Variants in SIK2 observed in about 807,000 individuals in gnomAD.
The protein encoded by SIK2 is salt inducible kinase 2.
A neutral mutation model predicts 103.2 loss-of-function variants in SIK2; 29 were observed. That is an observed-to-expected ratio of 0.28 (90% CI 0.21 to 0.38). SIK2 has a LOEUF of 0.38. SIK2 is among the 10% of genes least tolerant of loss of function. The pLI is 1.00. For missense variants in SIK2, 879 were observed against 1,171.0 expected (o/e 0.75, Z 3.64); for synonymous variants, 412 against 446.1 (o/e 0.92, Z 0.96).
At chr11:111,689,013 AAAG>A (rs1373208792) in intron 4 of SIK2, among the ~76,000 whole-genome samples, 1 of 152,224 alleles carries the variant, frequency 6.6e-6, no homozygotes, top group Non-Finnish European at 1.5e-5. Context: ...GAAGCTTCAC[AAAG>A]AAGGAATTAT....
chr11:111,620,231 A>C (rs1941865048), intron 2 of SIK2, 108 bp from the exon 3 acceptor site: 1 of 757,860 alleles, frequency 1.3e-6, no homozygotes, highest in African/African-American at 1.8e-5. Context: ...GGAATTGTTC[A>C]TAACTGTGAT....
At chr11:111,651,177 G>A (rs75554087) in intron 3 of SIK2, among the ~76,000 whole-genome samples, 3,648 of 152,152 alleles carry the variant, frequency 0.024, 92 homozygotes, top group African/African-American at 0.062. Context: ...TCAGTTATTA[G>A]TGTAGCAATC....
intron 3 of SIK2, among the ~76,000 whole-genome samples, chr11:111,634,779 C>T (rs1007825428): frequency 2.0e-5 from 3 of 152,176 alleles, no homozygotes; most frequent in African/African-American, 7.2e-5. Context: ...TCTTCCTTTC[C>T]AATCACATTC....
rs60382698 is a variant in SIK2 at position 111,668,834 on chromosome 11, T to A, written c.317-19167T>A. 9.0e-3 allele frequency among the ~76,000 whole-genome samples: 1,369 copies of A among 152,320 alleles called. 22 individuals are homozygous for A. The highest frequency in any genetic ancestry group is 0.031 in the African/African-American group (1,286 of 41,578). On this transcript the variant is annotated intron_variant, in intron 3 of 14. Coordinates refer to ENST00000304987, the MANE Select transcript of SIK2 (RefSeq NM_015191.3). ...ATCGTGACTTGCACTAGAGGAGGAT[T>A]GATGCAGTTCAAGAAAAATGGTGGG...
chr11:111,724,237 G>C lies in SIK2; in HGVS notation c.*108G>C. The C allele has an allele frequency of 7.0e-7, 1 of 1,435,162 alleles. No homozygotes were observed. Among genetic ancestry groups the C allele is most frequent in the Non-Finnish European group, 9.2e-7 (1 of 1,086,536 alleles). The allele number at this position is 1,435,162 out of a possible 1,614,324, so 88.9% of individuals were successfully genotyped here. ...TATTTTCTTGCCCTCTCCCTAACGG[G>C]GAGAAATCGAGCCACCCAACTGGAA... On this transcript the variant is annotated 3_prime_UTR_variant, in exon 15 of 15. Transcript: ENST00000304987.
At chr11:111,709,149 G>C (rs1591635901) in intron 8 of SIK2, among the ~76,000 whole-genome samples, 1 of 152,222 alleles carries the variant, frequency 6.6e-6, no homozygotes. Context: ...CATGAGGGTT[G>C]CTACCTGGTG....
rs1177580067 is a variant in SIK2 at position 111,705,105 on chromosome 11, G to A, written c.1067G>A (p.Arg356Gln). The A allele has an allele frequency of 5.0e-6, 8 of 1,592,464 alleles. No individual in the cohort carries two copies. Among genetic ancestry groups the A allele is most frequent in the South Asian group, 2.3e-5 (2 of 86,130 alleles). The change falls in exon 8 of 15, where the codon CGG becomes CAG. Residue 356 changes from arginine to glutamine, a missense_variant. Physicochemically the swap from Arg to Gln is conservative, Grantham distance 43. This residue lies in a region of SIK2 where 99 missense variants were observed against 153.9 expected (regional missense o/e 0.64). Coordinates refer to ENST00000304987, the MANE Select transcript of SIK2 (RefSeq NM_015191.3). This position sits in a 1 kb window ranked among gnomAD's most constrained non-coding sequence, Gnocchi z 4.3. Reference sequence around the variant, plus strand: ...CAGAGACTTGATGGCCGCCAGCGTCGGCCTAGCACCATTGCTGAGCAAACA... The same window carrying A: ...CAGAGACTTGATGGCCGCCAGCGTCAGCCTAGCACCATTGCTGAGCAAACA... ...VEQRLDGRQR[R>Q]PSTIAEQTVA...
At position 111,618,391 on chromosome 11, in the gene SIK2, A is replaced by G. The variant is rs113109161; in HGVS notation, c.253-1948A>G. ...CAACTTTTATTGATAGAGATTTTCA[A>G]TGTAAAAAATGTGAAGACCATTGGC... On this transcript the variant is annotated intron_variant, in intron 2 of 14. Transcript: ENST00000304987. Among the ~76,000 whole-genome samples, 1,037 of 152,304 alleles carry G rather than the reference A, an allele frequency of 6.8e-3. 15 individuals carry two copies. The highest frequency in any genetic ancestry group is 0.023 in the African/African-American group (961 of 41,548).
intron 3 of SIK2, among the ~76,000 whole-genome samples, chr11:111,668,701 C>A (rs1275138405): frequency 6.6e-6 from 1 of 152,202 alleles, no homozygotes; most frequent in Non-Finnish European, 1.5e-5. Context: ...ACTGATAGAA[C>A]TGTTTCTAAA....
intron 1 of SIK2, among the ~76,000 whole-genome samples, chr11:111,611,873 T>C (rs954633068): frequency 1.3e-5 from 2 of 152,176 alleles, no homozygotes; most frequent in Non-Finnish European, 2.9e-5. Flanking sequence ...AGAGAGGAAG[T>C]TCCCAGAAAT....
At chr11:111,694,399 G>A (rs897755077) in intron 4 of SIK2, among the ~76,000 whole-genome samples, 8 of 152,172 alleles carry the variant, frequency 5.3e-5, no homozygotes, top group African/African-American at 1.9e-4. Context: ...AATCTGACCT[G>A]TACATCACGA....
At chr11:111,640,244 A>G (rs1055063869) in intron 3 of SIK2, among the ~76,000 whole-genome samples, 1 of 152,218 alleles carries the variant, frequency 6.6e-6, no homozygotes, top group Non-Finnish European at 1.5e-5. Context: ...TTGCTAGTCC[A>G]TCAGTTCCTT....
At chr11:111,678,147 T>C (rs891060374) in intron 3 of SIK2, among the ~76,000 whole-genome samples, 3 of 152,206 alleles carry the variant, frequency 2.0e-5, no homozygotes, top group African/African-American at 7.2e-5. Flanking sequence ...TTTTTTAGAA[T>C]GCTTTTCTCC....
At chr11:111,620,204 T>C in intron 2 of SIK2, 135 bp from the exon 3 acceptor site, 1 of 664,564 alleles carries the variant, frequency 1.5e-6, no homozygotes, top group South Asian at 1.9e-5. Flanking sequence ...GTCAGGCTTA[T>C]GAACTTAGCC....
At position 111,724,264 on chromosome 11, in the gene SIK2, C is replaced by A; in HGVS notation, c.*135C>A. The A allele has an allele frequency of 1.6e-6, 2 of 1,281,984 alleles. No homozygotes were observed. Among genetic ancestry groups the A allele is most frequent in the Non-Finnish European group, 2.1e-6 (2 of 956,408 alleles). 79.4% of individuals were successfully genotyped at this position (1,281,984 alleles called of 1,614,324 possible). A position where few individuals can be genotyped will look rare whatever the true frequency, so the allele number is the denominator to read the frequency against. On this transcript the variant is annotated 3_prime_UTR_variant, in exon 15 of 15. Coordinates refer to ENST00000304987, the MANE Select transcript of SIK2 (RefSeq NM_015191.3). ...AGAAATCGAGCCACCCAACTGGAAT[C>A]AGAGGGTCTGGCTGGGGTGGATGTT...
At chr11:111,652,707 G>T (rs932980420) in intron 3 of SIK2, among the ~76,000 whole-genome samples, 14 of 152,132 alleles carry the variant, frequency 9.2e-5, no homozygotes, top group African/African-American at 3.4e-4. Flanking sequence ...CATGTGGCAA[G>T]TACTCTACCA....
chr11:111,625,130 C>T (rs1485796540), intron 3 of SIK2, among the ~76,000 whole-genome samples: 1 of 151,980 alleles, frequency 6.6e-6, no homozygotes, highest in Non-Finnish European at 1.5e-5. Context: ...ATTGTGTAGG[C>T]CATTAGAAGG....
intron 1 of SIK2, among the ~76,000 whole-genome samples, chr11:111,604,687 T>A (rs144820533): frequency 1.3e-4 from 20 of 152,320 alleles, no homozygotes; most frequent in African/African-American, 4.6e-4. Context: ...AGGACTTAGA[T>A]CCTAAATCGT....
chr11:111,723,816 C>A lies in SIK2; in HGVS notation c.2468C>A (p.Pro823Gln). 4 of 1,613,416 alleles carry A rather than the reference C, an allele frequency of 2.5e-6. No homozygotes were observed. Among genetic ancestry groups the A allele is most frequent in the Non-Finnish European group, 3.4e-6 (4 of 1,179,910 alleles). ...PLPTQLQQQQ[P>Q]PPPPPPPPPR... Reference sequence around the variant, plus strand: ...CCCACGCAGCTACAGCAGCAGCAGCCGCCACCGCCACCACCCCCTCCACCA... The same window carrying A: ...CCCACGCAGCTACAGCAGCAGCAGCAGCCACCGCCACCACCCCCTCCACCA... Residue 823 changes from proline (P) to glutamine (Q), a missense_variant, in exon 15 of 15, where the codon CCG (proline) becomes CAG (glutamine). By Grantham distance (76) the Pro-to-Gln change is moderately conservative (BLOSUM62 -1). Transcript: ENST00000304987.
Sources: gnomAD v4.1 joint callset for allele counts (sites outside exome capture counted in the v4.1 genomes callset) on GRCh38, gnomAD v4.1.1 for gene constraint, gnomAD v4.1.1 regional missense constraint, Gnocchi (gnomAD v3.1) non-coding constraint, MANE v1.5 for transcripts, NCBI Gene and HGNC (gene_info 2026-07-23, HGNC 2026-07-21) for gene names.